Variants in RFTN1 observed in about 807,000 individuals in gnomAD.
RFTN1 encodes the protein raftlin, lipid raft linker 1.
Under a neutral mutation model 46.5 loss-of-function variants are expected in RFTN1, and 26 were observed. That is an observed-to-expected ratio of 0.56 (90% CI 0.41 to 0.78). The LOEUF is 0.78. RFTN1 is among the 30% of genes least tolerant of loss of function. The pLI, the probability that RFTN1 is intolerant of heterozygous loss-of-function variation, is 0.00. For missense variants in RFTN1, 693 were observed against 718.7 expected (o/e 0.96, Z 0.41); for synonymous variants, 261 against 284.2 (o/e 0.92, Z 0.82).
chr3:16,443,780 C>G lies in RFTN1; in HGVS notation c.146-9743G>C, dbSNP rs1231158272. ...ACACACACACACACACACACACACA[C>G]ACACCACTGTACTGTAAAAATTCAG... On this transcript the variant is annotated intron_variant, in intron 2 of 9. Transcript: ENST00000334133. This position sits in a 1 kb window ranked among gnomAD's most constrained non-coding sequence, Gnocchi z 5.5. Among the ~76,000 whole-genome samples, 1 of 151,510 alleles carries G rather than the reference C, an allele frequency of 6.6e-6. No homozygotes were observed. The highest frequency in any genetic ancestry group is 1.9e-4 in the East Asian group (1 of 5,192).
At position 16,352,694 on chromosome 3, in the gene RFTN1, G is replaced by C. The variant is rs983448270; in HGVS notation, c.1146+5238C>G. Among the ~76,000 whole-genome samples, 1 of 152,216 alleles carries C rather than the reference G, an allele frequency of 6.6e-6. No individual in the cohort carries two copies. The highest frequency in any genetic ancestry group is 2.4e-5 in the African/African-American group (1 of 41,456). ...TGACTGACACAGAAAGCAGTATGTA[G>C]TGAGGGCTTACTATGTGCCCAGTCC... is the stretch of plus-strand genomic sequence containing the variant. On this transcript the variant is annotated intron_variant, in intron 7 of 9. Coordinates refer to ENST00000334133, the MANE Select transcript of RFTN1 (RefSeq NM_015150.2). This position sits in a 1 kb window ranked among gnomAD's most constrained non-coding sequence, Gnocchi z 4.6.
chr3:16,332,851 C>G (rs1267851493), intron 7 of RFTN1, among the ~76,000 whole-genome samples: 2 of 151,980 alleles, frequency 1.3e-5, no homozygotes, highest in African/African-American at 4.8e-5. Context: ...ACCTACCTAC[C>G]TACCTACAAT....
In RFTN1 at chr3:16,507,828, CACACACACACATACACACATATATAT is replaced by C. The variant is rs2076835701; in HGVS notation, c.-9+5588_-9+5613del. ...AAACGCACATACATACATACATACA[CACACACACACATACACACATATATAT>C]ACACACACACATGCACACATATGAA... is the stretch of plus-strand genomic sequence containing the variant. On this transcript the variant is annotated intron_variant, in intron 1 of 9. Coordinates refer to ENST00000334133, the MANE Select transcript of RFTN1 (RefSeq NM_015150.2). This position sits in a 1 kb window ranked among gnomAD's most constrained non-coding sequence, Gnocchi z 7.1. Among the ~76,000 whole-genome samples the C allele has an allele frequency of 6.6e-6, 1 of 151,830 alleles. No individual in the cohort carries two copies. The highest frequency in any genetic ancestry group is 2.4e-5 in the African/African-American group (1 of 41,298).
In RFTN1 at chr3:16,506,219, G is replaced by A. The variant is rs191902875; in HGVS notation, c.-9+7223C>T. 9.9e-5 allele frequency among the ~76,000 whole-genome samples: 15 copies of A among 152,270 alleles called. 1 individual carries two copies. In the East Asian group the frequency reaches 2.9e-3, roughly 29 times the overall value. ...AGGAAGGCCACAGAGCGAGCCATGGGATAAGGGGGAGGGTGGGCTAGGCAA... is the reference window on the plus strand; with the variant it reads ...AGGAAGGCCACAGAGCGAGCCATGGAATAAGGGGGAGGGTGGGCTAGGCAA... On this transcript the variant is annotated intron_variant, in intron 1 of 9. Coordinates refer to ENST00000334133, the MANE Select transcript of RFTN1 (RefSeq NM_015150.2). This position sits in a 1 kb window ranked among gnomAD's most constrained non-coding sequence, Gnocchi z 4.8.
rs574468387 is a variant in RFTN1, at chr3:16,428,245, C to A, written c.332+5606G>T. 1.6e-4 allele frequency among the ~76,000 whole-genome samples: 24 copies of A among 152,276 alleles called. No individual in the cohort carries two copies. Among genetic ancestry groups the A allele is most frequent in the African/African-American group, 5.3e-4 (22 of 41,548 alleles). ...GCGTGGAGTTCCTGTTCCCTCAATG[C>A]CAATTCCCACAAATGCTTCCCTAGG... On this transcript the variant is annotated intron_variant, in intron 3 of 9. Coordinates refer to ENST00000334133, the MANE Select transcript of RFTN1 (RefSeq NM_015150.2). The surrounding 1 kb of genome is among the most constrained non-coding windows in gnomAD (Gnocchi z 4.7).
At chr3:16,469,759 TC>T (rs2076162706) in intron 2 of RFTN1, among the ~76,000 whole-genome samples, 1 of 152,178 alleles carries the variant, frequency 6.6e-6, no homozygotes. Flanking sequence ...TACTTCTTTT[TC>T]CCTCCTTGCA....
rs2075805417 is a variant in RFTN1, at chr3:16,450,480, C to CATGA, written c.146-16444_146-16443insTCAT. Among the ~76,000 whole-genome samples, 1 of 152,188 alleles carries CATGA rather than the reference C, an allele frequency of 6.6e-6. No individual in the cohort carries two copies. On this transcript the variant is annotated intron_variant, in intron 2 of 9. Transcript: ENST00000334133. The surrounding 1 kb of genome is among the most constrained non-coding windows in gnomAD (Gnocchi z 4.6). Reference sequence around the variant, plus strand: ...GGCTCTCTCCCACTGCACCATGATGCTGCATGACCTGAAGTCCACCAGCAT... The same window carrying CATGA: ...GGCTCTCTCCCACTGCACCATGATGCATGATGCATGACCTGAAGTCCACCAGCAT...
intron 6 of RFTN1, among the ~76,000 whole-genome samples, chr3:16,364,085 C>T (rs1165483099): frequency 6.6e-6 from 1 of 152,216 alleles, no homozygotes; most frequent in Non-Finnish European, 1.5e-5. Flanking sequence ...TCTGGGCCGG[C>T]CTGCCTTCCT....
intron 2 of RFTN1, among the ~76,000 whole-genome samples, chr3:16,455,453 C>T (rs2075889647): frequency 6.6e-6 from 1 of 152,138 alleles, no homozygotes; most frequent in Non-Finnish European, 1.5e-5. Context: ...GGATGACAAG[C>T]ATGCAAATTA....
rs1252430685 is a variant in RFTN1, at chr3:16,512,602, T to A, written c.-9+840A>T. On this transcript the variant is annotated intron_variant, in intron 1 of 9. Coordinates refer to ENST00000334133, the MANE Select transcript of RFTN1 (RefSeq NM_015150.2). This position sits in a 1 kb window ranked among gnomAD's most constrained non-coding sequence, Gnocchi z 4.3. ...ACCTTGGCCTCCACGCGGTTCTTGCTGCCAAAGGCAGCGACACCGGAGGTG... is the reference window on the plus strand; with the variant it reads ...ACCTTGGCCTCCACGCGGTTCTTGCAGCCAAAGGCAGCGACACCGGAGGTG... Among the ~76,000 whole-genome samples, 1 of 152,048 alleles carries A rather than the reference T, an allele frequency of 6.6e-6. No individual in the cohort carries two copies. The highest frequency in any genetic ancestry group is 1.5e-5 in the Non-Finnish European group (1 of 67,982).
rs569339812 is a variant in RFTN1 at position 16,483,355 on chromosome 3, C to A, written c.145+10370G>T. On this transcript the variant is annotated intron_variant, in intron 2 of 9. Coordinates refer to ENST00000334133, the MANE Select transcript of RFTN1 (RefSeq NM_015150.2). This position sits in a 1 kb window ranked among gnomAD's most constrained non-coding sequence, Gnocchi z 4.8. ...GTTGGGCTCCCCTGTAAAGCACCCC[C>A]CTCCCTCCCAGAACCTGCAGGCACC... is the stretch of plus-strand genomic sequence containing the variant. 1.3e-5 allele frequency among the ~76,000 whole-genome samples: 2 copies of A among 152,274 alleles called. No homozygotes were observed. The highest frequency in any genetic ancestry group is 2.1e-4 in the South Asian group (1 of 4,818).
chr3:16,503,553 T>C (rs2076749287), intron 1 of RFTN1, among the ~76,000 whole-genome samples: 1 of 152,104 alleles, frequency 6.6e-6, no homozygotes, highest in African/African-American at 2.4e-5. Flanking sequence ...ACCCAGTCTT[T>C]TCCCACTCCT....
chr3:16,434,228 A>G (rs2075452116), intron 2 of RFTN1, among the ~76,000 whole-genome samples, 191 bp from the exon 3 acceptor site: 1 of 152,280 alleles, frequency 6.6e-6, no homozygotes, highest in African/African-American at 2.4e-5. Context: ...CAAAGGCATT[A>G]ATAATTGGAT....
At chr3:16,364,012 T>C (rs2125345242) in intron 6 of RFTN1, among the ~76,000 whole-genome samples, 1 of 152,348 alleles carries the variant, frequency 6.6e-6, no homozygotes, top group South Asian at 2.1e-4. Flanking sequence ...GCTAATTTGC[T>C]CTATTAACCA....
At chr3:16,490,536 A>C (rs965835246) in intron 2 of RFTN1, among the ~76,000 whole-genome samples, 2 of 152,138 alleles carry the variant, frequency 1.3e-5, no homozygotes, top group African/African-American at 4.8e-5. Context: ...ATCCAGGGGA[A>C]CCCCCTAAAG....
At chr3:16,366,738 G>A (rs1328500988) in intron 6 of RFTN1, among the ~76,000 whole-genome samples, 1 of 152,186 alleles carries the variant, frequency 6.6e-6, no homozygotes, top group African/African-American at 2.4e-5. Flanking sequence ...ACTTCACTGA[G>A]GTATTGTGAG....
In RFTN1 at chr3:16,317,075, C is replaced by T; in HGVS notation, c.1490G>A (p.Gly497Glu). ...GGAGACTCCACCCTCCTGCTGCTGT[C>T]CTGAAACACAGTTTCCCATGTCTCC... ...KAGDMGNCVS[G>E]QQQEGGVSEE... The change falls in exon 10 of 10, where the codon GGA becomes GAA. Residue 497 changes from glycine (G) to glutamate (E), a missense_variant. Gly to Glu is a moderately conservative substitution (Grantham distance 98, BLOSUM62 -2). Coordinates refer to ENST00000334133, the MANE Select transcript of RFTN1 (RefSeq NM_015150.2). This position sits in a 1 kb window ranked among gnomAD's most constrained non-coding sequence, Gnocchi z 4.3. The T allele has an allele frequency of 6.2e-7, 1 of 1,613,882 alleles. No individual in the cohort carries two copies.
intron 7 of RFTN1, among the ~76,000 whole-genome samples, chr3:16,347,296 T>A (rs1234542041): frequency 6.6e-6 from 1 of 152,168 alleles, no homozygotes; most frequent in Non-Finnish European, 1.5e-5. Flanking sequence ...TTATATCCAT[T>A]TTCTAGGGGG....
Position 16,513,670 on chromosome 3 carries a change from G to C in RFTN1, c.-237C>G, listed in dbSNP as rs1251314037. Reference sequence around the variant, plus strand: ...CGGCCGCCGCGCTCTCGCTCGCTGCGCCCAGCGCCCGGCGCGCTCCGGCTC... The same window carrying C: ...CGGCCGCCGCGCTCTCGCTCGCTGCCCCCAGCGCCCGGCGCGCTCCGGCTC... On this transcript the variant is annotated 5_prime_UTR_variant, in exon 1 of 10. Coordinates refer to ENST00000334133, the MANE Select transcript of RFTN1 (RefSeq NM_015150.2). The surrounding 1 kb of genome is among the most constrained non-coding windows in gnomAD (Gnocchi z 5.4). 6.6e-6 allele frequency: 1 copy of C among 150,612 alleles called. No individual in the cohort carries two copies. The allele number at this position is 150,612 out of a possible 1,614,324, so 9.3% of individuals were successfully genotyped here. A position where few individuals can be genotyped will look rare whatever the true frequency, so the allele number is the denominator to read the frequency against.
Sources: allele counts gnomAD v4.1 joint callset (sites outside exome capture counted in the v4.1 genomes callset), GRCh38; gene constraint gnomAD v4.1.1; non-coding constraint Gnocchi (gnomAD v3.1); transcripts MANE v1.5; gene names NCBI Gene and HGNC (gene_info 2026-07-23, HGNC 2026-07-21).